Variants in CPNE8 observed in about 807,000 individuals in gnomAD.
The protein encoded by CPNE8 is copine-8.
A neutral mutation model predicts 81.5 loss-of-function variants in CPNE8; 45 were observed. The ratio of observed to expected loss-of-function variants is 0.55; its 90% CI spans 0.44 to 0.71. CPNE8 has a LOEUF of 0.71. CPNE8 is among the 30% of genes least tolerant of loss of function. The probability of loss-of-function intolerance (pLI) is 0.00; values close to 1 mark genes in which losing one functional copy is unlikely to be tolerated. For missense variants in CPNE8, 594 were observed against 672.1 expected, an observed-to-expected ratio of 0.88 and a Z score of 1.28; for synonymous variants, 252 against 226.3, an observed-to-expected ratio of 1.11 and a Z score of -1.02.
At position 38,653,971 on chromosome 12, in the gene CPNE8, G is replaced by C; in HGVS notation, c.1606C>G (p.Leu536Val). ...DVLAEIPEQF[L>V]SYMRARGIKP... Reference sequence around the variant, plus strand: ...ATTCCTCGGGCTCTCATATAGGAGAGAAACTGCTCAGGGATCTCAGCTAGG... The same window carrying C: ...ATTCCTCGGGCTCTCATATAGGAGACAAACTGCTCAGGGATCTCAGCTAGG... The change falls in exon 20 of 20, where the codon CTC (leucine) becomes GTC (valine). Residue 536 changes from leucine (L) to valine (V), a missense_variant. By Grantham distance (32) the Leu-to-Val change is conservative. Transcript: ENST00000331366. 6.2e-7 allele frequency: 1 copy of C among 1,613,756 alleles called. No individual in the cohort carries two copies. Among genetic ancestry groups the C allele is most frequent in the Non-Finnish European group, 8.5e-7 (1 of 1,179,930 alleles).
At chr12:38,847,730 C>T (rs1277052745) in intron 4 of CPNE8, among the ~76,000 whole-genome samples, 1 of 152,074 alleles carries the variant, frequency 6.6e-6, no homozygotes, top group East Asian at 1.9e-4. Context: ...TTATTTTTTA[C>T]ATTATGAAGC....
intron 13 of CPNE8, among the ~76,000 whole-genome samples, chr12:38,711,125 C>T (rs1940245609): frequency 6.6e-6 from 1 of 152,280 alleles, no homozygotes; most frequent in South Asian, 2.1e-4. Flanking sequence ...ATTACTAGTA[C>T]ATCATCAGGA....
At position 38,717,429 on chromosome 12, in the gene CPNE8, GTATATATATATA is replaced by G. The variant is rs57044387; in HGVS notation, c.914+6331_914+6342del. ...AACAAGTAAACAAAGAAAGTGTGGT[GTATATATATATA>G]TATATATATATATATATACACCATG... On this transcript the variant is annotated intron_variant, in intron 13 of 19. Coordinates refer to ENST00000331366, the MANE Select transcript of CPNE8 (RefSeq NM_153634.3). 6.9e-4 allele frequency among the ~76,000 whole-genome samples: 60 copies of G among 87,036 alleles called. 5 individuals are homozygous for G. The highest frequency in any genetic ancestry group is 2.2e-3 in the Admixed American group (15 of 6,744). The allele number at this position is 87,036 out of a possible 152,430, so 57.1% of individuals were successfully genotyped here.
chr12:38,880,483 G>T (rs1159155809), intron 1 of CPNE8, among the ~76,000 whole-genome samples: 2 of 152,154 alleles, frequency 1.3e-5, no homozygotes, highest in African/African-American at 4.8e-5. Context: ...AGCATTTGGG[G>T]CCTTTGCTCT....
intron 5 of CPNE8, 73 bp from the exon 6 acceptor site, chr12:38,829,528 C>T (rs1943251754): frequency 2.0e-6 from 2 of 1,004,024 alleles, no homozygotes; most frequent in Non-Finnish European, 3.1e-6. Flanking sequence ...GTACATCATA[C>T]ATCTGCATTG....
chr12:38,723,966 G>A (rs1940634881), intron 12 of CPNE8, 133 bp from the exon 13 acceptor site: 2 of 566,454 alleles, frequency 3.5e-6, no homozygotes, highest in Non-Finnish European at 6.3e-6. Context: ...ATTAACATCT[G>A]CTAGGACTGA....
intron 7 of CPNE8, among the ~76,000 whole-genome samples, chr12:38,768,595 C>G (rs1941738133): frequency 6.6e-6 from 1 of 152,168 alleles, no homozygotes; most frequent in African/African-American, 2.4e-5. Context: ...TCTCGGCTCA[C>G]TGCAAGCTCC....
chr12:38,780,026 A>C (rs1942014996), intron 6 of CPNE8, among the ~76,000 whole-genome samples: 1 of 152,018 alleles, frequency 6.6e-6, no homozygotes, highest in Non-Finnish European at 1.5e-5. Context: ...TTTCTCTTCC[A>C]GGAGTTTCAT....
At chr12:38,860,455 T>C (rs1943813976) in intron 3 of CPNE8, among the ~76,000 whole-genome samples, 1 of 151,374 alleles carries the variant, frequency 6.6e-6, no homozygotes, top group East Asian at 1.9e-4. Context: ...TTGTGCCCTA[T>C]TGGTGGAATT....
At chr12:38,741,155 T>C (rs969208931) in intron 10 of CPNE8, among the ~76,000 whole-genome samples, 1 of 152,154 alleles carries the variant, frequency 6.6e-6, no homozygotes, top group Non-Finnish European at 1.5e-5. Flanking sequence ...TACCAATGAC[T>C]TTCTTCACAG....
chr12:38,837,736 G>C (rs1167895959), intron 5 of CPNE8, among the ~76,000 whole-genome samples: 2 of 152,038 alleles, frequency 1.3e-5, no homozygotes, highest in African/African-American at 4.8e-5. Context: ...ATGAGGTAAA[G>C]AGTGAAGAGA....
chr12:38,776,347 A>ATG, intron 6 of CPNE8, 46 bp from the exon 7 acceptor site: 8 of 600,276 alleles, frequency 1.3e-5, no homozygotes, highest in South Asian at 4.8e-5. Context: ...TGTTATATTA[A>ATG]TACTATATAA....
chr12:38,890,032 A>G (rs972115945), intron 1 of CPNE8, among the ~76,000 whole-genome samples: 7 of 152,208 alleles, frequency 4.6e-5, no homozygotes, highest in African/African-American at 1.7e-4. Flanking sequence ...CAAAATGAAA[A>G]TGACACAACC....
chr12:38,778,689 T>C, intron 6 of CPNE8, among the ~76,000 whole-genome samples: 1 of 152,224 alleles, frequency 6.6e-6, no homozygotes, highest in East Asian at 1.9e-4. Context: ...GGTTTAGCAC[T>C]TAATTATTCC....
At chr12:38,687,950 G>A (rs1478299900) in intron 15 of CPNE8, among the ~76,000 whole-genome samples, 1 of 152,152 alleles carries the variant, frequency 6.6e-6, no homozygotes, top group African/African-American at 2.4e-5. Context: ...AGCAGTTAGT[G>A]TTTTGATGTT....
In CPNE8 at chr12:38,675,798, G is replaced by T. The variant is rs1443654223; in HGVS notation, c.1375-24C>A. 23 of 1,462,824 alleles carry T rather than the reference G, an allele frequency of 1.6e-5. No individual in the cohort carries two copies. The Admixed American group carries it at 3.4e-4, about 22-fold the overall frequency. The allele number at this position is 1,462,824 out of a possible 1,614,324, so 90.6% of individuals were successfully genotyped here. ...GCCTTCAAAGAGAATATACAATTAG[G>T]TTTCAATTAAGAAATTGAGTTCTTA... On this transcript the variant is annotated intron_variant, in intron 17 of 19. Coordinates refer to ENST00000331366, the MANE Select transcript of CPNE8 (RefSeq NM_153634.3).
chr12:38,706,311 C>A (rs1940104625), intron 13 of CPNE8, among the ~76,000 whole-genome samples: 1 of 151,990 alleles, frequency 6.6e-6, no homozygotes, highest in African/African-American at 2.4e-5. Flanking sequence ...CAATAACAAA[C>A]CCAAATTTGA....
At chr12:38,900,812 G>A (rs1206391778) in intron 1 of CPNE8, among the ~76,000 whole-genome samples, 1 of 152,154 alleles carries the variant, frequency 6.6e-6, no homozygotes. Flanking sequence ...AAGGAGTGAT[G>A]GGAGATGAGG....
Position 38,767,626 on chromosome 12 carries a change from T to TGC in CPNE8, c.575+8_575+9insGC. The stretch of plus-strand genomic sequence containing the variant: ...CCATATAGTTGAAATGCATAAAAGA[T>TGC]AAATCTACCTGCCATCTTCATTACT... On this transcript the variant is annotated intron_variant, in intron 8 of 19. Coordinates refer to ENST00000331366, the MANE Select transcript of CPNE8 (RefSeq NM_153634.3). 6.7e-7 allele frequency: 1 copy of TGC among 1,503,650 alleles called. No homozygotes were observed. The highest frequency in any genetic ancestry group is 9.0e-7 in the Non-Finnish European group (1 of 1,117,304). The allele number at this position is 1,503,650 out of a possible 1,614,324, so 93.1% of individuals were successfully genotyped here.
Sources: gnomAD v4.1 joint callset for allele counts (sites outside exome capture counted in the v4.1 genomes callset) on GRCh38, gnomAD v4.1.1 for gene constraint, MANE v1.5 for transcripts, NCBI Gene and HGNC (gene_info 2026-07-23, HGNC 2026-07-21) for gene names.